DDI2: variants seen among roughly 807,000 people sequenced by gnomAD.
The protein encoded by DDI2 is protein DDI1 homolog 2.
DDI2 carries 5 observed loss-of-function variants against 48.1 expected under a neutral mutation model. The ratio of observed to expected loss-of-function variants is 0.10; its 90% CI spans 0.05 to 0.22. The LOEUF is 0.22. Ranked by LOEUF, DDI2 falls within the 10% of genes least tolerant of loss-of-function variation. DDI2 has a pLI of 1.00. For missense variants in DDI2, 285 were observed against 506.2 expected, an observed-to-expected ratio of 0.56 and a Z score of 4.19; for synonymous variants, 205 against 183.6, an observed-to-expected ratio of 1.12 and a Z score of -0.94.
intron 7 of DDI2, among the ~76,000 whole-genome samples, chr1:15,651,330 G>A (rs991273421): frequency 1.3e-5 from 2 of 152,198 alleles, no homozygotes; most frequent in Admixed American, 6.5e-5. Flanking sequence ...AAAAAAGGAA[G>A]TTAGCATTAG....
At chr1:15,628,794 A>G (rs60741052) in intron 2 of DDI2, among the ~76,000 whole-genome samples, 1,812 of 152,258 alleles carry the variant, frequency 0.012, 30 homozygotes, top group African/African-American at 0.033. Context: ...CATCACCACA[A>G]TCCATTTTAG....
At chr1:15,653,804 T>C (rs950001452) in intron 8 of DDI2, among the ~76,000 whole-genome samples, 8 of 152,176 alleles carry the variant, frequency 5.3e-5, no homozygotes, top group African/African-American at 1.9e-4. Flanking sequence ...ACCAGCATAA[T>C]TGAACGTTAC....
At chr1:15,641,533 G>A (rs529526757) in intron 5 of DDI2, among the ~76,000 whole-genome samples, 100 of 151,834 alleles carry the variant, frequency 6.6e-4, no homozygotes, top group African/African-American at 2.2e-3. Flanking sequence ...GGAAAATTCT[G>A]TACCCCTAAG....
Position 15,662,875 on chromosome 1 carries a change from C to T in DDI2, c.*3085C>T, listed in dbSNP as rs1570997229. 1 of 152,192 alleles carries T rather than the reference C, an allele frequency of 6.6e-6. No homozygotes were observed. The highest frequency in any genetic ancestry group is 2.4e-5 in the African/African-American group (1 of 41,526). The allele number at this position is 152,192 out of a possible 1,614,324, so 9.4% of individuals were successfully genotyped here. On this transcript the variant is annotated 3_prime_UTR_variant, in exon 10 of 10. Transcript: ENST00000480945. ...GTAGAGTTTTCCATCCTTTTCTTTC[C>T]TCAGGAGTTTCTTTTTTAAGCAAAA...
chr1:15,624,619 T>C (rs905900679), intron 1 of DDI2, among the ~76,000 whole-genome samples: 2 of 152,076 alleles, frequency 1.3e-5, no homozygotes, highest in African/African-American at 4.8e-5. Flanking sequence ...AGTCACATGC[T>C]ACCATGGCTG....
chr1:15,619,373 G>A (rs949971931), intron 1 of DDI2, among the ~76,000 whole-genome samples: 2 of 151,850 alleles, frequency 1.3e-5, no homozygotes, highest in African/African-American at 4.8e-5. Flanking sequence ...TGATCTGCCC[G>A]CCTCGGCCTC....
chr1:15,646,219 T>C (rs780173014), intron 6 of DDI2, among the ~76,000 whole-genome samples: 14 of 152,236 alleles, frequency 9.2e-5, no homozygotes, highest in African/African-American at 3.1e-4. Context: ...CCAGCCTTGC[T>C]GCTTTGGGTC....
At chr1:15,649,969 C>A in intron 7 of DDI2, 146 bp downstream of exon 7, 1 of 733,076 alleles carries the variant, frequency 1.4e-6, no homozygotes, top group Non-Finnish European at 2.1e-6. Flanking sequence ...TGTTGCTATA[C>A]AGAGGTTGAA....
intron 1 of DDI2, among the ~76,000 whole-genome samples, chr1:15,619,229 T>C (rs1639615867): frequency 6.6e-6 from 1 of 152,052 alleles, no homozygotes; most frequent in Admixed American, 6.6e-5. Flanking sequence ...CAAGCGATTC[T>C]CCTGCCTCAG....
chr1:15,626,114 C>T (rs951047165), intron 1 of DDI2, among the ~76,000 whole-genome samples: 4 of 152,180 alleles, frequency 2.6e-5, no homozygotes, highest in African/African-American at 9.7e-5. Flanking sequence ...AAAATTATAT[C>T]CATTTCCATA....
Position 15,617,569 on chromosome 1 carries a change from G to A in DDI2, c.-102G>A, listed in dbSNP as rs1308751484. The A allele has an allele frequency of 3.6e-5, 37 of 1,024,818 alleles. No homozygotes were observed. The highest frequency in any genetic ancestry group is 4.5e-5 in the Non-Finnish European group (36 of 797,806). 63.5% of individuals were successfully genotyped at this position (1,024,818 alleles called of 1,614,324 possible). A position where few individuals can be genotyped will look rare whatever the true frequency, so the allele number is the denominator to read the frequency against. ...GCGAGCGAGCGAACGAGCAGCCGGC[G>A]CCGTCCTCCCGCAGCACCAGCCAGG... On this transcript the variant is annotated 5_prime_UTR_variant, in exon 1 of 10. Coordinates refer to ENST00000480945, the MANE Select transcript of DDI2 (RefSeq NM_032341.5).
At chr1:15,652,400 C>CGGCGTGGT (rs1640200435) in intron 8 of DDI2, among the ~76,000 whole-genome samples, 1 of 130,634 alleles carries the variant, frequency 7.7e-6, no homozygotes, top group Non-Finnish European at 1.6e-5. Context: ...TATTCTGGCC[C>CGGCGTGGT]GGCGTGGTGG....
chr1:15,650,464 G>A lies in DDI2; in HGVS notation c.993+641G>A, dbSNP rs1016566417. Among the ~76,000 whole-genome samples, 3 of 152,224 alleles carry A rather than the reference G, an allele frequency of 2.0e-5. No homozygotes were observed. In the South Asian group the frequency reaches 6.2e-4, roughly 32 times the overall value. ...GTAGGGTTTTATATCCAGTCAACCT[G>A]CCAGGTACAGTGGTACATGCCTGTA... On this transcript the variant is annotated intron_variant, in intron 7 of 9. Transcript: ENST00000480945.
intron 1 of DDI2, among the ~76,000 whole-genome samples, chr1:15,624,016 CTG>C (rs1051490100): frequency 3.9e-5 from 6 of 152,182 alleles, no homozygotes; most frequent in African/African-American, 1.4e-4. Context: ...GATCCCGCCA[CTG>C]CACCCCAGCC....
Position 15,661,111 on chromosome 1 carries a change from T to C in DDI2, c.*1321T>C, listed in dbSNP as rs1425209151. On this transcript the variant is annotated 3_prime_UTR_variant, in exon 10 of 10. Transcript: ENST00000480945. The stretch of plus-strand genomic sequence containing the variant: ...CCAGAATGAACAGTGTCCACAAGTC[T>C]CCTTTCATCAGGCCATATCTGTATC... The C allele has an allele frequency of 6.2e-7, 1 of 1,613,704 alleles. No homozygotes were observed. Among genetic ancestry groups the C allele is most frequent in the Admixed American group, 1.7e-5 (1 of 59,920 alleles).
chr1:15,656,352 A>C, intron 8 of DDI2: 1 of 1,282,324 alleles, frequency 7.8e-7, no homozygotes, highest in Non-Finnish European at 1.0e-6. Context: ...TTTGCCCGTG[A>C]ATTCTCTATG....
intron 5 of DDI2, among the ~76,000 whole-genome samples, chr1:15,640,106 C>CT (rs2103471108): frequency 6.6e-6 from 1 of 152,052 alleles, no homozygotes; most frequent in South Asian, 2.1e-4. Flanking sequence ...TAAAAAATAT[C>CT]TGTTGTGGGT....
chr1:15,655,470 G>A lies in DDI2; in HGVS notation c.1184-1147G>A, dbSNP rs116313690. ...ACTTGTTTCTAAAAAAAAAAACCACGGCTGGGCGCAGTGACTCACGCCTGT... is the reference window on the plus strand; with the variant it reads ...ACTTGTTTCTAAAAAAAAAAACCACAGCTGGGCGCAGTGACTCACGCCTGT... On this transcript the variant is annotated intron_variant, in intron 8 of 9. Coordinates refer to ENST00000480945, the MANE Select transcript of DDI2 (RefSeq NM_032341.5). Among the ~76,000 whole-genome samples, 1,228 of 150,864 alleles carry A rather than the reference G, an allele frequency of 8.1e-3. 16 individuals are homozygous for A. The highest frequency in any genetic ancestry group is 0.027 in the African/African-American group (1,116 of 41,130).
chr1:15,663,594 C>T lies in DDI2; in HGVS notation c.*3804C>T, dbSNP rs1640410911. 1 of 152,076 alleles carries T rather than the reference C, an allele frequency of 6.6e-6. No homozygotes were observed. 9.4% of individuals were successfully genotyped at this position (152,076 alleles called of 1,614,324 possible). A position where few individuals can be genotyped will look rare whatever the true frequency, so the allele number is the denominator to read the frequency against. The stretch of plus-strand genomic sequence containing the variant: ...GCACATTGTAGACCCTTTCACCTGC[C>T]CTACACCAAAGATGTACGATGCACT... On this transcript the variant is annotated 3_prime_UTR_variant, in exon 10 of 10. Transcript: ENST00000480945.
Sources: allele counts gnomAD v4.1 joint callset (sites outside exome capture counted in the v4.1 genomes callset), GRCh38; gene constraint gnomAD v4.1.1; transcripts MANE v1.5; gene names NCBI Gene and HGNC (gene_info 2026-07-23, HGNC 2026-07-21).